Variants in AP3S1 observed in about 807,000 individuals in gnomAD.
AP3S1 encodes the protein adaptor related protein complex 3 subunit sigma 1, also known as AP-3 complex subunit sigma-1.
Under a neutral mutation model 21.3 loss-of-function variants are expected in AP3S1, and 12 were observed. That is an observed-to-expected ratio of 0.56 (90% confidence interval 0.36 to 0.91). The LOEUF (loss-of-function observed/expected upper bound fraction) is 0.91. AP3S1 is among the 40% of genes least tolerant of loss of function. AP3S1 has a pLI of 0.01. For missense variants in AP3S1, 116 were observed against 225.0 expected, an observed-to-expected ratio of 0.52 and a Z score of 3.10; for synonymous variants, 48 against 78.4, an observed-to-expected ratio of 0.61 and a Z score of 2.05.
At chr5:115,864,290 TAGTA>T (rs569331043) in intron 1 of AP3S1, among the ~76,000 whole-genome samples, 24 of 152,322 alleles carry the variant, frequency 1.6e-4, no homozygotes, top group African/African-American at 5.3e-4. Flanking sequence ...AATTCCTTGC[TAGTA>T]AGTGACTGCC....
At chr5:115,887,154 T>C (rs1264486120) in intron 3 of AP3S1, among the ~76,000 whole-genome samples, 2 of 152,222 alleles carry the variant, frequency 1.3e-5, no homozygotes, top group Non-Finnish European at 2.9e-5. Context: ...TTACGTTCAG[T>C]TTGTCTTCCC....
chr5:115,865,301 T>TCTTAAAG (rs757576287), intron 1 of AP3S1, among the ~76,000 whole-genome samples: 7 of 152,164 alleles, frequency 4.6e-5, no homozygotes, highest in Non-Finnish European at 8.8e-5. Flanking sequence ...CTAGCTTACT[T>TCTTAAAG]TAAGAATTGT....
chr5:115,855,825 G>T (rs936224089), intron 1 of AP3S1, among the ~76,000 whole-genome samples: 1 of 151,832 alleles, frequency 6.6e-6, no homozygotes, highest in Non-Finnish European at 1.5e-5. Flanking sequence ...GTGAATGAAT[G>T]CATTTTAAGA....
At chr5:115,882,041 A>G (rs1161491404) in intron 3 of AP3S1, among the ~76,000 whole-genome samples, 1 of 151,658 alleles carries the variant, frequency 6.6e-6, no homozygotes, top group Non-Finnish European at 1.5e-5. Flanking sequence ...TGTGTTTTTC[A>G]GCTCCATCAG....
At chr5:115,861,812 G>A (rs1763207288) in intron 1 of AP3S1, among the ~76,000 whole-genome samples, 1 of 148,830 alleles carries the variant, frequency 6.7e-6, no homozygotes, top group Non-Finnish European at 1.5e-5. Flanking sequence ...CTCCCAAAGT[G>A]TTGGGATTAC....
chr5:115,868,781 C>CT (rs2112834588), intron 2 of AP3S1, among the ~76,000 whole-genome samples: 1 of 151,882 alleles, frequency 6.6e-6, no homozygotes, highest in East Asian at 1.9e-4. Flanking sequence ...ACTTTGGTGG[C>CT]TGAGGCAGGA....
At chr5:115,880,236 T>G (rs927215632) in intron 3 of AP3S1, among the ~76,000 whole-genome samples, 1 of 152,190 alleles carries the variant, frequency 6.6e-6, no homozygotes, top group South Asian at 2.1e-4. Flanking sequence ...ATTTCTTGTC[T>G]TCTGCTAGCT....
At chr5:115,846,894 C>A (rs1762105382) in intron 1 of AP3S1, among the ~76,000 whole-genome samples, 1 of 152,140 alleles carries the variant, frequency 6.6e-6, no homozygotes, top group Non-Finnish European at 1.5e-5. Context: ...TAGCCTGACT[C>A]AAGTGCTTGG....
chr5:115,856,335 TATA>T (rs1431795098), intron 1 of AP3S1, among the ~76,000 whole-genome samples: 4 of 152,214 alleles, frequency 2.6e-5, no homozygotes, highest in Non-Finnish European at 5.9e-5. Context: ...TTTTAATTGA[TATA>T]ATAACTGTGC....
chr5:115,871,492 T>C (rs752814387), intron 3 of AP3S1, among the ~76,000 whole-genome samples: 2 of 152,170 alleles, frequency 1.3e-5, no homozygotes, highest in Non-Finnish European at 2.9e-5. Context: ...CCCTCCATAA[T>C]CTCAATTTCA....
intron 1 of AP3S1, among the ~76,000 whole-genome samples, chr5:115,855,530 G>C (rs918080074): frequency 4.6e-5 from 7 of 152,024 alleles, no homozygotes; most frequent in Non-Finnish European, 8.8e-5. Context: ...TGTAGAGATG[G>C]GGTTTCACCA....
At chr5:115,855,029 A>ATCTG (rs1425553444) in intron 1 of AP3S1, among the ~76,000 whole-genome samples, 1 of 148,394 alleles carries the variant, frequency 6.7e-6, no homozygotes, top group Non-Finnish European at 1.5e-5. Context: ...ATATCTATCT[A>ATCTG]TCTATCTATC....
intron 5 of AP3S1, among the ~76,000 whole-genome samples, chr5:115,904,859 C>G (rs1448015516): frequency 6.6e-6 from 1 of 152,112 alleles, no homozygotes; most frequent in Non-Finnish European, 1.5e-5. Flanking sequence ...AACAGTGATG[C>G]AATCCTTTAA....
At chr5:115,842,250 C>T (rs1214917059) in intron 1 of AP3S1, 144 bp downstream of exon 1, 2 of 1,294,538 alleles carry the variant, frequency 1.5e-6, no homozygotes, top group Non-Finnish European at 1.0e-6. Flanking sequence ...CAGCTGTCAG[C>T]CTCCTGGTGG....
chr5:115,852,753 G>A (rs1452249071), intron 1 of AP3S1, among the ~76,000 whole-genome samples: 1 of 151,992 alleles, frequency 6.6e-6, no homozygotes, highest in Non-Finnish European at 1.5e-5. Context: ...TACTTTACAT[G>A]ATGCTTTCAG....
chr5:115,911,071 T>G (rs928393937), intron 5 of AP3S1, among the ~76,000 whole-genome samples: 3 of 152,164 alleles, frequency 2.0e-5, no homozygotes, highest in African/African-American at 7.2e-5. Flanking sequence ...AATATGCTAT[T>G]TAAATCAATT....
chr5:115,859,346 A>C lies in AP3S1; in HGVS notation c.70-7324A>C, dbSNP rs543577998. ...GGGCCTTTTTTTATCATTCTTGAGA[A>C]GGGGCCAAAGGAACTTCTACATCTA... On this transcript the variant is annotated intron_variant, in intron 1 of 5. Transcript: ENST00000316788. Among the ~76,000 whole-genome samples the C allele has an allele frequency of 2.3e-3, 353 of 152,342 alleles. 1 individual carries two copies. Among genetic ancestry groups the C allele is most frequent in the Non-Finnish European group, 4.1e-3 (277 of 68,034 alleles).
At chr5:115,872,307 T>C (rs1748335852) in intron 3 of AP3S1, among the ~76,000 whole-genome samples, 2 of 152,148 alleles carry the variant, frequency 1.3e-5, no homozygotes, top group Admixed American at 1.3e-4. Flanking sequence ...AAAAACATTG[T>C]TAATAAAATA....
intron 3 of AP3S1, 28 bp downstream of exon 3, chr5:115,870,156 TTAAA>T: frequency 1.7e-6 from 2 of 1,206,718 alleles, no homozygotes; most frequent in Non-Finnish European, 2.4e-6. Context: ...TCTTACTATC[TTAAA>T]TAACAGTTTG....
Sources: allele counts gnomAD v4.1 joint callset (sites outside exome capture counted in the v4.1 genomes callset), GRCh38; gene constraint gnomAD v4.1.1; transcripts MANE v1.5; gene names NCBI Gene and HGNC (gene_info 2026-07-23, HGNC 2026-07-21).